Variants in CSMD1 observed in about 807,000 individuals in gnomAD.
CSMD1 encodes CUB and sushi domain-containing protein 1.
A neutral mutation model predicts 417.5 loss-of-function variants in CSMD1; 213 were observed. The ratio of observed to expected loss-of-function variants is 0.51; its 90% confidence interval spans 0.46 to 0.57. The LOEUF (loss-of-function observed/expected upper bound fraction) is 0.57. Among genes scored for constraint, CSMD1 ranks in the 20% least tolerant of loss-of-function variants. The probability of loss-of-function intolerance (pLI) is 0.00; values close to 1 mark genes in which losing one functional copy is unlikely to be tolerated. For synonymous variants in CSMD1, 2,862 were observed against 1,736.8 expected (o/e 1.65, Z -16.11); for missense variants, 6,923 against 4,529.7 (o/e 1.53, Z -15.17).
intron 51 of CSMD1, among the ~76,000 whole-genome samples, chr8:3,022,232 C>T (rs1413501400): frequency 6.4e-5 from 9 of 139,752 alleles, no homozygotes; most frequent in South Asian, 2.5e-4. Context: ...GGAATACACC[C>T]GCAATCCCAC....
chr8:4,798,369 C>G (rs1402278440), intron 1 of CSMD1, among the ~76,000 whole-genome samples: 1 of 152,054 alleles, frequency 6.6e-6, no homozygotes, highest in African/African-American at 2.4e-5. Context: ...GCATAGTATT[C>G]CATGGTGTAT....
intron 3 of CSMD1, among the ~76,000 whole-genome samples, chr8:4,227,259 G>C (rs1347406735): frequency 5.3e-5 from 8 of 152,126 alleles, no homozygotes; most frequent in Non-Finnish European, 4.4e-5. Context: ...CAACATGGAC[G>C]AGCAAGATGG....
chr8:4,877,891 A>T (rs1803147813), intron 1 of CSMD1, among the ~76,000 whole-genome samples: 1 of 152,098 alleles, frequency 6.6e-6, no homozygotes, highest in Non-Finnish European at 1.5e-5. Flanking sequence ...ATCAAGGAAC[A>T]TCATTGAGAA....
chr8:3,519,883 A>C (rs1458268156), intron 10 of CSMD1, among the ~76,000 whole-genome samples: 1 of 152,106 alleles, frequency 6.6e-6, no homozygotes, highest in Non-Finnish European at 1.5e-5. Flanking sequence ...ATTTTACTCA[A>C]TTAATACATT....
At chr8:3,533,949 A>G (rs531353335) in intron 10 of CSMD1, among the ~76,000 whole-genome samples, 1 of 152,340 alleles carries the variant, frequency 6.6e-6, no homozygotes, top group African/African-American at 2.4e-5. Context: ...CTCTCTAAGG[A>G]TAAGAGGGCA....
chr8:3,808,779 T>A (rs1800894433), intron 5 of CSMD1, among the ~76,000 whole-genome samples: 1 of 152,236 alleles, frequency 6.6e-6, no homozygotes, highest in South Asian at 2.1e-4. Flanking sequence ...TTAGGTAGTT[T>A]GTCTCGGAAT....
intron 3 of CSMD1, among the ~76,000 whole-genome samples, chr8:4,082,195 T>G (rs1383067183): frequency 6.6e-6 from 1 of 152,138 alleles, no homozygotes; most frequent in Non-Finnish European, 1.5e-5. Flanking sequence ...ATACTGTGAA[T>G]AAATTTTTCC....
intron 5 of CSMD1, among the ~76,000 whole-genome samples, chr8:3,779,649 A>G (rs1046730492): frequency 4.6e-5 from 7 of 152,200 alleles, no homozygotes; most frequent in African/African-American, 9.7e-5. Context: ...TTTAGGTTAC[A>G]TTTATGCAAT....
intron 3 of CSMD1, among the ~76,000 whole-genome samples, chr8:4,047,586 G>A (rs1042051805): frequency 5.3e-5 from 8 of 152,114 alleles, no homozygotes; most frequent in African/African-American, 7.2e-5. Flanking sequence ...AATATTTACT[G>A]AATGCGTATT....
chr8:4,224,593 A>C (rs1801233687), intron 3 of CSMD1, among the ~76,000 whole-genome samples: 1 of 152,190 alleles, frequency 6.6e-6, no homozygotes, highest in Non-Finnish European at 1.5e-5. Flanking sequence ...CCGGAGTTCC[A>C]CCACTTTGCA....
chr8:4,263,957 T>C (rs892625343), intron 3 of CSMD1, among the ~76,000 whole-genome samples: 2 of 152,206 alleles, frequency 1.3e-5, no homozygotes, highest in Non-Finnish European at 2.9e-5. Flanking sequence ...CAATTTGTCA[T>C]AGCAGAAGAA....
At chr8:4,017,450 G>A (rs896598518) in intron 4 of CSMD1, among the ~76,000 whole-genome samples, 1 of 152,020 alleles carries the variant, frequency 6.6e-6, no homozygotes, top group Non-Finnish European at 1.5e-5. Flanking sequence ...AGGATTACAG[G>A]CATGCACCAG....
chr8:4,112,147 C>G (rs1248763021), intron 3 of CSMD1, among the ~76,000 whole-genome samples: 1 of 152,150 alleles, frequency 6.6e-6, no homozygotes, highest in African/African-American at 2.4e-5. Flanking sequence ...TGCTGGGCAT[C>G]CAGAGCTTAA....
At chr8:4,371,279 C>T (rs943300197) in intron 3 of CSMD1, among the ~76,000 whole-genome samples, 5 of 152,082 alleles carry the variant, frequency 3.3e-5, no homozygotes, top group African/African-American at 7.3e-5. Flanking sequence ...CTTGAGGATG[C>T]GCCTCTGCTG....
intron 36 of CSMD1, chr8:3,182,897 T>TGTGTGC (rs1563119823): frequency 7.2e-6 from 1 of 138,886 alleles, no homozygotes; most frequent in Non-Finnish European, 1.5e-5. Flanking sequence ...TGTGTGTGTG[T>TGTGTGC]ATTGTTAGTA....
intron 5 of CSMD1, among the ~76,000 whole-genome samples, chr8:3,885,883 C>G (rs1432042666): frequency 6.6e-6 from 1 of 151,932 alleles, no homozygotes; most frequent in Admixed American, 6.6e-5. Context: ...CTAAATTTTT[C>G]TAAATAGGAG....
At chr8:4,699,577 A>G (rs540669793) in intron 1 of CSMD1, among the ~76,000 whole-genome samples, 56 of 152,094 alleles carry the variant, frequency 3.7e-4, no homozygotes, top group African/African-American at 1.4e-3. Flanking sequence ...TTCTAATTTA[A>G]CCAATAAGAA....
chr8:4,297,012 G>A (rs1036459108), intron 3 of CSMD1, among the ~76,000 whole-genome samples: 2 of 152,136 alleles, frequency 1.3e-5, no homozygotes, highest in Non-Finnish European at 2.9e-5. Context: ...GGAATAGGAA[G>A]TGCTGGGAAA....
At chr8:4,523,951 T>G (rs1238293077) in intron 2 of CSMD1, among the ~76,000 whole-genome samples, 1 of 152,124 alleles carries the variant, frequency 6.6e-6, no homozygotes, top group Admixed American at 6.6e-5. Context: ...AAAGTCCAGG[T>G]GTTTCCCCAG....
Sources: allele counts gnomAD v4.1 joint callset (sites outside exome capture counted in the v4.1 genomes callset), GRCh38; gene constraint gnomAD v4.1.1; transcripts MANE v1.5; gene names NCBI Gene and HGNC (gene_info 2026-07-23, HGNC 2026-07-21).